Variants in ARMC3 observed in about 807,000 individuals in gnomAD.
ARMC3 encodes armadillo repeat-containing protein 3.
Under a neutral mutation model 90.3 loss-of-function variants are expected in ARMC3, and 74 were observed. The observed-to-expected ratio is 0.82, with a 90% CI of 0.68 to 0.99. The LOEUF is 0.99. ARMC3 is among the 50% of genes least tolerant of loss of function. The pLI is 0.00. For synonymous variants in ARMC3, 334 were observed against 361.8 expected (o/e 0.92, Z 0.87); for missense variants, 958 against 1,042.8 (o/e 0.92, Z 1.12).
intron 3 of ARMC3, among the ~76,000 whole-genome samples, chr10:22,949,319 A>C (rs950528752): frequency 1.1e-4 from 17 of 152,224 alleles, no homozygotes; most frequent in Non-Finnish European, 5.9e-5. Context: ...TCAATGAGTA[A>C]ATCAAATTGA....
intron 2 of ARMC3, among the ~76,000 whole-genome samples, chr10:22,944,205 T>C (rs1048545245): frequency 1.3e-5 from 2 of 152,230 alleles, no homozygotes; most frequent in African/African-American, 2.4e-5. Context: ...TGGACCTTTG[T>C]TGATTATCTT....
chr10:23,008,914 C>T lies in ARMC3; in HGVS notation c.2028C>T (p.Thr676=). 6.2e-7 allele frequency: 1 copy of T among 1,612,988 alleles called. No individual in the cohort carries two copies. Among genetic ancestry groups the T allele is most frequent in the Non-Finnish European group, 8.5e-7 (1 of 1,179,470 alleles). Residue 676 remains threonine (T), a synonymous_variant, in exon 16 of 19, where the codon ACC becomes ACT. Coordinates refer to ENST00000298032, the MANE Select transcript of ARMC3 (RefSeq NM_173081.5). ...GRNTVLSKSA[T]KEKGWRKSKG... ...ATACTGTTCTCAGCAAAAGCGCCAC[C>T]AAAGAAAAAGGATGGAGGTAAGAAA...
At chr10:23,021,687 A>G (rs1243634465) in intron 16 of ARMC3, among the ~76,000 whole-genome samples, 1 of 151,920 alleles carries the variant, frequency 6.6e-6, no homozygotes, top group East Asian at 1.9e-4. Flanking sequence ...TGCTTGTTGA[A>G]TTGTTTAAGT....
At chr10:23,016,437 A>T (rs1311547976) in intron 16 of ARMC3, among the ~76,000 whole-genome samples, 1 of 152,204 alleles carries the variant, frequency 6.6e-6, no homozygotes, top group Non-Finnish European at 1.5e-5. Context: ...AATGTAGAAA[A>T]ATAACCTTAG....
chr10:22,929,845 C>T (rs552614955), intron 1 of ARMC3, among the ~76,000 whole-genome samples: 2 of 152,246 alleles, frequency 1.3e-5, no homozygotes, highest in East Asian at 1.9e-4. Context: ...GCCACCACGC[C>T]GGGCCATGAT....
chr10:23,036,142 G>A (rs1277314603), intron 18 of ARMC3, among the ~76,000 whole-genome samples: 29 of 152,078 alleles, frequency 1.9e-4, no homozygotes, highest in African/African-American at 9.7e-5. Flanking sequence ...GCTTTGACAC[G>A]GAGTGTTACT....
At chr10:23,003,848 A>C (rs1837445019) in intron 13 of ARMC3, among the ~76,000 whole-genome samples, 1 of 152,150 alleles carries the variant, frequency 6.6e-6, no homozygotes, top group African/African-American at 2.4e-5. Flanking sequence ...TGTCAAAAAA[A>C]AAAAGGTATA....
intron 13 of ARMC3, among the ~76,000 whole-genome samples, chr10:23,004,229 C>A (rs568615723): frequency 6.6e-6 from 1 of 152,144 alleles, no homozygotes; most frequent in Admixed American, 6.5e-5. Context: ...ATTAAGGACA[C>A]TTTTTACATG....
chr10:23,030,514 T>A, intron 16 of ARMC3, 82 bp from the exon 17 acceptor site: 1 of 1,520,258 alleles, frequency 6.6e-7, no homozygotes, highest in Non-Finnish European at 8.8e-7. Context: ...TTTTCTGTGA[T>A]GCTCTTTTCA....
At position 22,947,365 on chromosome 10, in the gene ARMC3, G is replaced by C. The variant is rs577099910; in HGVS notation, c.166+1104G>C. On this transcript the variant is annotated intron_variant, in intron 3 of 18. Transcript: ENST00000298032. ...GAAAACAAACCACCAACTGTGATAA[G>C]TCCTATCAATATTAGGTGCTCTTGA... is the stretch of plus-strand genomic sequence containing the variant. 2.0e-5 allele frequency among the ~76,000 whole-genome samples: 3 copies of C among 151,122 alleles called. No individual in the cohort carries two copies. The East Asian group carries it at 5.8e-4, about 29-fold the overall frequency.
At chr10:22,982,488 C>T (rs1203740637) in intron 10 of ARMC3, among the ~76,000 whole-genome samples, 1 of 152,216 alleles carries the variant, frequency 6.6e-6, no homozygotes, top group Non-Finnish European at 1.5e-5. Flanking sequence ...GTAATTTATA[C>T]TCATTTTAAA....
chr10:22,974,529 A>G (rs879658617), intron 8 of ARMC3, among the ~76,000 whole-genome samples: 10 of 152,288 alleles, frequency 6.6e-5, no homozygotes, highest in African/African-American at 1.9e-4. Flanking sequence ...TAAAGTTACT[A>G]TAGTTATTTT....
At position 22,981,688 on chromosome 10, in the gene ARMC3, C is replaced by T. The variant is rs1401913728; in HGVS notation, c.1163C>T (p.Pro388Leu). The T allele has an allele frequency of 1.2e-6, 2 of 1,613,472 alleles. No individual in the cohort carries two copies. Among genetic ancestry groups the T allele is most frequent in the South Asian group, 2.2e-5 (2 of 90,900 alleles). ...CTGGCAAACCTAACCACTTGCAACC[C>T]TGCTAATGCAAAGTAAGTTCAGAGA... Reference protein sequence around the residue: ...LALANLTTCNPANANAAAEAD... With the variant: ...LALANLTTCNLANANAAAEAD... The change falls in exon 10 of 19, where the codon CCT becomes CTT. Residue 388 changes from proline (P) to leucine (L), a missense_variant. Physicochemically the swap from Pro to Leu is moderately conservative, Grantham distance 98 (BLOSUM62 -3). Transcript: ENST00000298032.
chr10:22,993,235 G>T (rs1423220495), intron 10 of ARMC3, among the ~76,000 whole-genome samples: 1 of 152,182 alleles, frequency 6.6e-6, no homozygotes, highest in Non-Finnish European at 1.5e-5. Flanking sequence ...GTACCAAATG[G>T]TGTCAACTGG....
At chr10:23,006,154 T>C (rs73600594) in intron 13 of ARMC3, among the ~76,000 whole-genome samples, 4,724 of 152,142 alleles carry the variant, frequency 0.031, 112 homozygotes, top group African/African-American at 0.058. Flanking sequence ...GTGTGGTGAA[T>C]ATATGTTTGG....
rs1380494630 is a variant in ARMC3, at chr10:22,968,391, CAG to C, written c.819_820del (p.Gly275SerfsTer2). The C allele has an allele frequency of 1.9e-6, 3 of 1,613,610 alleles. No individual in the cohort carries two copies. Among genetic ancestry groups the C allele is most frequent in the African/African-American group, 1.3e-5 (1 of 74,898 alleles). On this transcript the variant is annotated frameshift_variant, in exon 8 of 19. Coordinates refer to ENST00000298032, the MANE Select transcript of ARMC3 (RefSeq NM_173081.5). LOFTEE classifies it high-confidence loss of function. ...GATACTATGGTGCAGATTCAGCAGA[CAG>C]GGGGTCTTAAAAAGCTCCTGTCATT...
intron 10 of ARMC3, among the ~76,000 whole-genome samples, chr10:22,993,485 A>G (rs1157317679): frequency 6.6e-6 from 1 of 152,206 alleles, no homozygotes; most frequent in Non-Finnish European, 1.5e-5. Context: ...GCTGGATCCT[A>G]TCCCTTCTTG....
chr10:22,968,331 C>G lies in ARMC3; in HGVS notation c.758C>G (p.Ala253Gly). ...GAATTGAATGACCTTCATATAGAAG[C>G]ACTTGCAGTGATAGCCAATTGCCTT... ...TKELNDLHIE[A>G]LAVIANCLED... Residue 253 changes from alanine (A) to glycine (G), a missense_variant, in exon 8 of 19, where the codon GCA becomes GGA. Ala to Gly is a moderately conservative substitution (Grantham distance 60, BLOSUM62 0). Coordinates refer to ENST00000298032, the MANE Select transcript of ARMC3 (RefSeq NM_173081.5). The G allele has an allele frequency of 6.2e-7, 1 of 1,613,898 alleles. No homozygotes were observed. The highest frequency in any genetic ancestry group is 8.5e-7 in the Non-Finnish European group (1 of 1,179,854).
intron 16 of ARMC3, among the ~76,000 whole-genome samples, chr10:23,009,439 C>T (rs757824610): frequency 2.0e-5 from 3 of 152,224 alleles, no homozygotes; most frequent in Non-Finnish European, 4.4e-5. Flanking sequence ...GCAAATAGAG[C>T]AACGCTCTTA....
Sources: gnomAD v4.1 joint callset for allele counts (sites outside exome capture counted in the v4.1 genomes callset) on GRCh38, gnomAD v4.1.1 for gene constraint, MANE v1.5 for transcripts, NCBI Gene and HGNC (gene_info 2026-07-23, HGNC 2026-07-21) for gene names.